Variants in OSBPL11 observed in about 807,000 individuals in gnomAD.
OSBPL11 encodes the protein oxysterol-binding protein-related protein 11.
OSBPL11 carries 33 observed loss-of-function variants against 84.4 expected under a neutral mutation model. That is an observed-to-expected ratio of 0.39 (90% CI 0.30 to 0.52). The LOEUF is 0.52. OSBPL11 is among the 20% of genes least tolerant of loss of function. The probability of loss-of-function intolerance (pLI) is 0.72; values close to 1 mark genes in which losing one functional copy is unlikely to be tolerated. For synonymous variants in OSBPL11, 276 were observed against 310.2 expected (o/e 0.89, Z 1.16); for missense variants, 736 against 901.1 (o/e 0.82, Z 2.35).
chr3:125,531,377 C>A (rs147682233), intron 12 of OSBPL11, among the ~76,000 whole-genome samples: 2 of 151,180 alleles, frequency 1.3e-5, no homozygotes, highest in Admixed American at 6.6e-5. Flanking sequence ...CTGCAACCTC[C>A]GCCTCCTGGG....
rs779271741 is a variant in OSBPL11 at position 125,552,199 on chromosome 3, C to T, written c.1636G>A (p.Val546Met). Residue 546 changes from valine to methionine, a missense_variant, in exon 9 of 13, where the codon GTG (valine) becomes ATG (methionine). By Grantham distance (21) the Val-to-Met change is conservative. This residue lies in a region of OSBPL11 where 579 missense variants were observed against 717.6 expected (regional missense o/e 0.81). Coordinates refer to ENST00000296220, the MANE Select transcript of OSBPL11 (RefSeq NM_022776.5). ...TACTTACCTTCTCCAACCATTGTCA[C>T]GCCTATTGACATGCCTAAGAACTTG... ...KSKFLGMSIG[V>M]TMVGEGILSL... The T allele has an allele frequency of 1.2e-4, 187 of 1,601,582 alleles. No individual in the cohort carries two copies. The highest frequency in any genetic ancestry group is 1.5e-4 in the Non-Finnish European group (172 of 1,174,794).
chr3:125,545,950 A>G (rs1487678682), intron 10 of OSBPL11, among the ~76,000 whole-genome samples: 1 of 152,120 alleles, frequency 6.6e-6, no homozygotes, highest in Non-Finnish European at 1.5e-5. Flanking sequence ...AGACATGAAG[A>G]AGACCTTAGT....
chr3:125,558,578 C>A (rs1323595655), intron 8 of OSBPL11, among the ~76,000 whole-genome samples: 1 of 152,172 alleles, frequency 6.6e-6, no homozygotes, highest in African/African-American at 2.4e-5. Context: ...CTCCAATTGA[C>A]ATCTACCTCC....
At chr3:125,542,789 C>T (rs1373113942) in intron 10 of OSBPL11, among the ~76,000 whole-genome samples, 4 of 152,090 alleles carry the variant, frequency 2.6e-5, no homozygotes, top group Admixed American at 6.6e-5. Context: ...GGATTACAGG[C>T]GTGAGCCACC....
Position 125,563,735 on chromosome 3 carries a change from T to C in OSBPL11, c.977A>G (p.Glu326Gly). The change falls in exon 7 of 13, where the codon GAA becomes GGA. Residue 326 changes from glutamate to glycine, a missense_variant. By Grantham distance (98) the Glu-to-Gly change is moderately conservative (BLOSUM62 -2). Around this residue, in one of 3 missense-constraint regions of OSBPL11, gnomAD observed 579 missense variants for 717.6 expected, o/e 0.81. Coordinates refer to ENST00000296220, the MANE Select transcript of OSBPL11 (RefSeq NM_022776.5). ...TDQSKPVAVP[E>G]EQPVAESGLL... is the part of the protein sequence containing the mutation. ...TCCAGATTCTGCAACAGGCTGCTCT[T>C]CTGGGACTGCCACCGGCTTACTCTG... 6.2e-7 allele frequency: 1 copy of C among 1,614,200 alleles called. No individual in the cohort carries two copies. Among genetic ancestry groups the C allele is most frequent in the Non-Finnish European group, 8.5e-7 (1 of 1,180,018 alleles).
chr3:125,530,307 C>CA lies in OSBPL11; in HGVS notation c.*207dup. 1.7e-6 allele frequency: 1 copy of CA among 583,942 alleles called. No homozygotes were observed. The highest frequency in any genetic ancestry group is 3.1e-6 in the Non-Finnish European group (1 of 323,058). 36.2% of individuals were successfully genotyped at this position (583,942 alleles called of 1,614,324 possible). A position where few individuals can be genotyped will look rare whatever the true frequency, so the allele number is the denominator to read the frequency against. On this transcript the variant is annotated 3_prime_UTR_variant, in exon 13 of 13. Transcript: ENST00000296220. Reference sequence around the variant, plus strand: ...TTTTAAGATGGTATTGCTCACATCACATGAACAGGTTGGTAAAAGGTCCAC... The same window carrying CA: ...TTTTAAGATGGTATTGCTCACATCACAATGAACAGGTTGGTAAAAGGTCCAC...
At chr3:125,579,205 T>C (rs1003745302) in intron 3 of OSBPL11, among the ~76,000 whole-genome samples, 166 bp from the exon 4 acceptor site, 2 of 152,194 alleles carry the variant, frequency 1.3e-5, no homozygotes, top group African/African-American at 2.4e-5. Context: ...AGCACCAACG[T>C]TGTTAGGGAA....
At chr3:125,591,983 CAGAG>C (rs576861701) in intron 1 of OSBPL11, among the ~76,000 whole-genome samples, 20 of 152,032 alleles carry the variant, frequency 1.3e-4, no homozygotes, top group Admixed American at 1.0e-3. Context: ...CCCTGGGAGA[CAGAG>C]AGAGACCTTG....
chr3:125,565,826 A>G (rs1412873812), intron 6 of OSBPL11, among the ~76,000 whole-genome samples: 1 of 151,088 alleles, frequency 6.6e-6, no homozygotes, highest in South Asian at 2.1e-4. Flanking sequence ...TCTCACTCCT[A>G]AACTATGAAT....
At position 125,538,454 on chromosome 3, in the gene OSBPL11, G is replaced by A; in HGVS notation, c.2021C>T (p.Ser674Phe). The change falls in exon 11 of 13, where the codon TCC (serine) becomes TTC (phenylalanine). Residue 674 changes from serine (S) to phenylalanine (F), a missense_variant. This residue lies in a region of OSBPL11 where 579 missense variants were observed against 717.6 expected (regional missense o/e 0.81). Coordinates refer to ENST00000296220, the MANE Select transcript of OSBPL11 (RefSeq NM_022776.5). ...GATAGATGCAAGGATGACATACCTG[G>A]ATTCAAATGGATCCTGCTTCTCCAG... is the stretch of plus-strand genomic sequence containing the variant. Reference protein sequence around the residue: ...RPLEKQDPFESRRLWKNVTDS... With the variant: ...RPLEKQDPFEFRRLWKNVTDS... 6.2e-7 allele frequency: 1 copy of A among 1,612,862 alleles called. No homozygotes were observed. The highest frequency in any genetic ancestry group is 8.5e-7 in the Non-Finnish European group (1 of 1,179,336).
chr3:125,580,191 G>C, intron 2 of OSBPL11, 151 bp from the exon 3 acceptor site: 1 of 693,130 alleles, frequency 1.4e-6, no homozygotes. Flanking sequence ...ACACTACACT[G>C]AATTTTCCAG....
At chr3:125,593,385 AGAG>A (rs1936630225) in intron 1 of OSBPL11, among the ~76,000 whole-genome samples, 1 of 152,108 alleles carries the variant, frequency 6.6e-6, no homozygotes, top group African/African-American at 2.4e-5. Flanking sequence ...TTTGGGAAGC[AGAG>A]GAGGGCTGAT....
intron 5 of OSBPL11, among the ~76,000 whole-genome samples, chr3:125,567,940 G>C (rs371883024): frequency 6.7e-6 from 1 of 148,904 alleles, no homozygotes. Flanking sequence ...GCTGCAGTGA[G>C]CCATGATCAC....
chr3:125,594,389 C>CT (rs1416639182), intron 1 of OSBPL11, among the ~76,000 whole-genome samples: 1 of 152,228 alleles, frequency 6.6e-6, no homozygotes, highest in African/African-American at 2.4e-5. Context: ...CATTAACTCT[C>CT]TGACTGTAGA....
chr3:125,580,698 A>G (rs1277770674), intron 2 of OSBPL11, among the ~76,000 whole-genome samples: 1 of 152,156 alleles, frequency 6.6e-6, no homozygotes, highest in Non-Finnish European at 1.5e-5. Context: ...GTAAACTGCC[A>G]AAGGACAAAT....
intron 12 of OSBPL11, among the ~76,000 whole-genome samples, chr3:125,531,057 C>A (rs1429315981): frequency 6.6e-6 from 1 of 151,942 alleles, no homozygotes; most frequent in Admixed American, 6.5e-5. Flanking sequence ...TCTTGGCTCA[C>A]TGCAACCTCC....
chr3:125,546,165 TTGTG>T (rs201307785), intron 10 of OSBPL11, among the ~76,000 whole-genome samples: 21 of 143,384 alleles, frequency 1.5e-4, no homozygotes, highest in Non-Finnish European at 2.4e-4. Context: ...TTCGTTTTTT[TTGTG>T]TGTGTGTGTT....
At chr3:125,560,689 T>A (rs549432578) in intron 7 of OSBPL11, among the ~76,000 whole-genome samples, 170 bp from the exon 8 acceptor site, 1 of 152,380 alleles carries the variant, frequency 6.6e-6, no homozygotes, top group East Asian at 1.9e-4. Flanking sequence ...ATAAATTTCC[T>A]TCAGAGAGCC....
intron 11 of OSBPL11, among the ~76,000 whole-genome samples, chr3:125,533,952 G>A (rs1935599551): frequency 6.6e-6 from 1 of 152,154 alleles, no homozygotes; most frequent in Non-Finnish European, 1.5e-5. Flanking sequence ...TCAGCCTCCT[G>A]AGTAGCTGGC....
Sources: gnomAD v4.1 joint callset for allele counts (sites outside exome capture counted in the v4.1 genomes callset) on GRCh38, gnomAD v4.1.1 for gene constraint, gnomAD v4.1.1 regional missense constraint, MANE v1.5 for transcripts, NCBI Gene and HGNC (gene_info 2026-07-23, HGNC 2026-07-21) for gene names.